TUBB: variants seen among roughly 807,000 people sequenced by gnomAD.
TUBB encodes the protein tubulin beta chain.
A neutral mutation model predicts 35.1 loss-of-function variants in TUBB; 2 were observed. That is an observed-to-expected ratio of 0.06 (90% CI 0.02 to 0.18). TUBB has a LOEUF of 0.18. Ranked by LOEUF, TUBB falls within the 10% of genes least tolerant of loss-of-function variation. The pLI is 1.00. For missense variants in TUBB, 50 were observed against 599.4 expected, an observed-to-expected ratio of 0.08 and a Z score of 9.57; for synonymous variants, 205 against 223.8, an observed-to-expected ratio of 0.92 and a Z score of 0.75.
intron 1 of TUBB, chr6:30,721,485 C>G (rs1274841242): frequency 1.4e-5 from 13 of 934,368 alleles, no homozygotes; most frequent in Non-Finnish European, 1.5e-5. Context: ...CCGGCAGGGG[C>G]GCGCTACCTT....
chr6:30,721,284 C>G (rs771402988), intron 1 of TUBB, among the ~76,000 whole-genome samples: 2 of 150,822 alleles, frequency 1.3e-5, no homozygotes, highest in African/African-American at 4.9e-5. Context: ...TCCTTTAAAT[C>G]AAGGGGTAGA....
Position 30,720,570 on chromosome 6 carries a change from A to G in TUBB, c.57+7A>G. 3.1e-6 allele frequency: 5 copies of G among 1,607,890 alleles called. No homozygotes were observed. Among genetic ancestry groups the G allele is most frequent in the Non-Finnish European group, 4.2e-6 (5 of 1,177,598 alleles). ...CAACCAGATCGGTGCCAAGGTAAGA[A>G]TTTTACACCTCTTTTATTTCTTTTT... On this transcript the variant is annotated splice_region_variant and intron_variant, in intron 1 of 3. Coordinates refer to ENST00000327892, the MANE Select transcript of TUBB (RefSeq NM_178014.4).
intron 1 of TUBB, chr6:30,721,742 A>G: frequency 1.0e-6 from 1 of 984,906 alleles, no homozygotes; most frequent in Non-Finnish European, 1.2e-6. Context: ...CCCACCGAGC[A>G]CTTGGGACCC....
chr6:30,722,514 GTC>G (rs1222645316), intron 1 of TUBB, 21 bp from the exon 2 acceptor site: 2 of 1,566,198 alleles, frequency 1.3e-6, no homozygotes, highest in African/African-American at 2.7e-5. Context: ...ACCTGTTGTG[GTC>G]TCGTTGCTCC....
rs1161185671 is a variant in TUBB, at chr6:30,722,530, T to A, written c.58-7T>A. 1 of 1,611,580 alleles carries A rather than the reference T, an allele frequency of 6.2e-7. No homozygotes were observed. On this transcript the variant is annotated splice_polypyrimidine_tract_variant and splice_region_variant and intron_variant, in intron 1 of 3. Transcript: ENST00000327892. ...CCTGTTGTGGTCTCGTTGCTCCCCC[T>A]CGGCAGTTCTGGGAGGTGATCAGTG... is the stretch of plus-strand genomic sequence containing the variant.
chr6:30,720,923 A>C (rs1044395561), intron 1 of TUBB, among the ~76,000 whole-genome samples: 13 of 152,346 alleles, frequency 8.5e-5, no homozygotes, highest in African/African-American at 3.1e-4. Flanking sequence ...GCCCATGTGC[A>C]TCCCGCCCAA....
chr6:30,720,364 T>G lies in TUBB; in HGVS notation c.-143T>G, dbSNP rs761491677. The G allele has an allele frequency of 1.2e-4, 97 of 791,106 alleles. No individual in the cohort carries two copies. The highest frequency in any genetic ancestry group is 1.9e-4 in the Non-Finnish European group (85 of 454,520). 49.0% of individuals were successfully genotyped at this position (791,106 alleles called of 1,614,324 possible). A position where few individuals can be genotyped will look rare whatever the true frequency, so the allele number is the denominator to read the frequency against. On this transcript the variant is annotated 5_prime_UTR_variant, in exon 1 of 4. Transcript: ENST00000327892. ...CTCTCCTTTCTCCCTCTCAGAACCT[T>G]CCTGCCGTCGCGTTTGCACCTCGCT...
At chr6:30,723,235 A>C in intron 3 of TUBB, 105 bp from the exon 4 acceptor site, 2 of 1,061,572 alleles carry the variant, frequency 1.9e-6, no homozygotes, top group Non-Finnish European at 2.7e-6. Flanking sequence ...ACAGTGAAGG[A>C]GAAAGAAGAT....
chr6:30,721,286 A>G (rs1776210292), intron 1 of TUBB, among the ~76,000 whole-genome samples: 1 of 151,598 alleles, frequency 6.6e-6, no homozygotes, highest in South Asian at 2.1e-4. Context: ...CTTTAAATCA[A>G]GGGGTAGAAA....
chr6:30,720,358 G>C lies in TUBB; in HGVS notation c.-149G>C. On this transcript the variant is annotated 5_prime_UTR_variant, in exon 1 of 4. Coordinates refer to ENST00000327892, the MANE Select transcript of TUBB (RefSeq NM_178014.4). Reference sequence around the variant, plus strand: ...CCTCCCCTCTCCTTTCTCCCTCTCAGAACCTTCCTGCCGTCGCGTTTGCAC... The same window carrying C: ...CCTCCCCTCTCCTTTCTCCCTCTCACAACCTTCCTGCCGTCGCGTTTGCAC... 1 of 771,728 alleles carries C rather than the reference G, an allele frequency of 1.3e-6. No individual in the cohort carries two copies. Among genetic ancestry groups the C allele is most frequent in the South Asian group, 1.5e-5 (1 of 68,244 alleles). 47.8% of individuals were successfully genotyped at this position (771,728 alleles called of 1,614,324 possible). A position where few individuals can be genotyped will look rare whatever the true frequency, so the allele number is the denominator to read the frequency against.
At position 30,724,893 on chromosome 6, in the gene TUBB, C is replaced by G. The variant is rs1364826095; in HGVS notation, c.*496C>G. ...CCAGGCTATTAAAGTCACTAAATTTCTAAGTATGTCCATTTCCCATCTCAG... is the reference window on the plus strand; with the variant it reads ...CCAGGCTATTAAAGTCACTAAATTTGTAAGTATGTCCATTTCCCATCTCAG... On this transcript the variant is annotated 3_prime_UTR_variant, in exon 4 of 4. Transcript: ENST00000327892. The surrounding 1 kb of genome is among the most constrained non-coding windows in gnomAD (Gnocchi z 4.4). 1 of 158,034 alleles carries G rather than the reference C, an allele frequency of 6.3e-6. No individual in the cohort carries two copies. The highest frequency in any genetic ancestry group is 2.4e-5 in the African/African-American group (1 of 41,554). The allele number at this position is 158,034 out of a possible 1,614,324, so 9.8% of individuals were successfully genotyped here. A position where few individuals can be genotyped will look rare whatever the true frequency, so the allele number is the denominator to read the frequency against.
At chr6:30,721,673 G>T (rs1021725186) in intron 1 of TUBB, 5 of 985,402 alleles carry the variant, frequency 5.1e-6, no homozygotes, top group Non-Finnish European at 6.0e-6. Context: ...GCGGTGGGGC[G>T]GTGCCCAGCT....
chr6:30,723,300 A>G (rs1214293613), intron 3 of TUBB, 40 bp from the exon 4 acceptor site: 1 of 1,482,568 alleles, frequency 6.7e-7, no homozygotes, highest in East Asian at 2.3e-5. Context: ...TGTATCTTCC[A>G]TACCCTGTTA....
intron 1 of TUBB, chr6:30,721,774 G>A (rs1458568932): frequency 1.0e-6 from 1 of 985,268 alleles, no homozygotes; most frequent in Admixed American, 6.2e-5. Context: ...CCAGAGCAGG[G>A]AAAGCTGTGG....
chr6:30,722,285 A>T (rs1344510499), intron 1 of TUBB: 2 of 463,160 alleles, frequency 4.3e-6, no homozygotes, highest in Admixed American at 6.9e-5. Flanking sequence ...TCTACTAAAA[A>T]TACAAAAAGT....
At chr6:30,721,749 A>G in intron 1 of TUBB, 3 of 983,202 alleles carry the variant, frequency 3.1e-6, no homozygotes, top group Non-Finnish European at 3.6e-6. Context: ...AGCACTTGGG[A>G]CCCGCTGCAC....
chr6:30,723,188 G>C (rs1484003031), intron 3 of TUBB, 152 bp from the exon 4 acceptor site: 34 of 900,408 alleles, frequency 3.8e-5, no homozygotes, highest in African/African-American at 5.1e-5. Context: ...GCCTACTATT[G>C]CTGGTAAATT....
At chr6:30,722,896 C>A in intron 2 of TUBB, 22 bp from the exon 3 acceptor site, 1 of 1,590,260 alleles carries the variant, frequency 6.3e-7, no homozygotes, top group Non-Finnish European at 8.6e-7. Context: ...GATTTCACAG[C>A]TCTTAACTTT....
At chr6:30,722,434 T>C (rs1412770736) in intron 1 of TUBB, 103 bp from the exon 2 acceptor site, 14 of 807,070 alleles carry the variant, frequency 1.7e-5, no homozygotes, top group Admixed American at 4.7e-5. Flanking sequence ...AGAGCGAGAC[T>C]CCGTCTCAAA....
Sources: allele counts gnomAD v4.1 joint callset (sites outside exome capture counted in the v4.1 genomes callset), GRCh38; gene constraint gnomAD v4.1.1; non-coding constraint Gnocchi (gnomAD v3.1); transcripts MANE v1.5; gene names NCBI Gene and HGNC (gene_info 2026-07-23, HGNC 2026-07-21).